The following MSRA variants were observed in gnomAD, a reference collection of about 807,000 sequenced individuals.
MSRA encodes methionine sulfoxide reductase A.
In MSRA, 54 loss-of-function variants were observed where a neutral mutation model predicts 31.3. The observed-to-expected ratio is 1.73, with a 90% confidence interval of 1.39 to 2.17. The LOEUF (loss-of-function observed/expected upper bound fraction) is 2.17. Ranked by LOEUF, MSRA falls within the 30% of genes most tolerant of loss-of-function variation. The pLI is 0.00. For missense variants in MSRA, 507 were observed against 300.9 expected (o/e 1.69, Z -5.07); for synonymous variants, 169 against 116.5 (o/e 1.45, Z -2.90).
intron 2 of MSRA, among the ~76,000 whole-genome samples, chr8:10,211,021 T>C (rs555577487): frequency 6.6e-6 from 1 of 151,948 alleles, no homozygotes; most frequent in African/African-American, 2.4e-5. Context: ...CAGGCATGAG[T>C]CATCGCACCC....
At position 10,165,202 on chromosome 8, in the gene MSRA, G is replaced by A. The variant is rs112975224; in HGVS notation, c.143-42631G>A. ...AGCTGGCCGCCTTTTTGCTTTATAC[G>A]TTTTGAGCTGCTGGCTTCTAATTAG... On this transcript the variant is annotated intron_variant, in intron 1 of 5. Transcript: ENST00000317173. Among the ~76,000 whole-genome samples the A allele has an allele frequency of 7.6e-3, 1,150 of 152,232 alleles. 12 individuals are homozygous for A. Among genetic ancestry groups the A allele is most frequent in the African/African-American group, 0.026 (1,076 of 41,534 alleles).
At chr8:10,406,693 G>C (rs1384174746) in intron 5 of MSRA, among the ~76,000 whole-genome samples, 1 of 152,190 alleles carries the variant, frequency 6.6e-6, no homozygotes, top group Non-Finnish European at 1.5e-5. Context: ...GGTTTTCACA[G>C]ATAAGCCATA....
At chr8:10,350,955 A>C (rs1395534841) in intron 5 of MSRA, among the ~76,000 whole-genome samples, 1 of 151,704 alleles carries the variant, frequency 6.6e-6, no homozygotes, top group African/African-American at 2.4e-5. Flanking sequence ...TCTTAAGGTG[A>C]CAAAGAGTGT....
chr8:10,242,601 A>T lies in MSRA; in HGVS notation c.212-2503A>T, dbSNP rs150641308. The stretch of plus-strand genomic sequence containing the variant: ...TTTGTTTTATAACAAAAGGCTAAAA[A>T]TAAGTATTTAAAGAAAATAGTGCAT... On this transcript the variant is annotated intron_variant, in intron 2 of 5. Transcript: ENST00000317173. Among the ~76,000 whole-genome samples the T allele has an allele frequency of 3.3e-5, 5 of 152,334 alleles. No homozygotes were observed. In the East Asian group the frequency reaches 9.7e-4, roughly 29 times the overall value.
chr8:10,423,751 A>C (rs555925638), intron 5 of MSRA, among the ~76,000 whole-genome samples: 2 of 152,172 alleles, frequency 1.3e-5, no homozygotes, highest in African/African-American at 4.8e-5. Flanking sequence ...TGTGACACGG[A>C]AAGTGGCTGC....
chr8:10,176,783 G>C (rs1024697317), intron 1 of MSRA, among the ~76,000 whole-genome samples: 1 of 152,188 alleles, frequency 6.6e-6, no homozygotes, highest in African/African-American at 2.4e-5. Flanking sequence ...GCAGAACCTA[G>C]TCCCCACCCA....
intron 2 of MSRA, among the ~76,000 whole-genome samples, chr8:10,239,569 C>T (rs946502450): frequency 1.1e-4 from 16 of 152,212 alleles, no homozygotes; most frequent in Non-Finnish European, 2.2e-4. Context: ...GCTTATAGGA[C>T]GATTGTACCT....
chr8:10,426,691 G>A (rs1019096429), intron 5 of MSRA, among the ~76,000 whole-genome samples: 4 of 152,212 alleles, frequency 2.6e-5, no homozygotes, highest in African/African-American at 9.6e-5. Context: ...AGGGACCAAG[G>A]CACAGTATCT....
chr8:10,236,513 G>C (rs1020758015), intron 2 of MSRA, among the ~76,000 whole-genome samples: 4 of 152,094 alleles, frequency 2.6e-5, no homozygotes, highest in East Asian at 1.9e-4. Flanking sequence ...ACAAATCATG[G>C]GGTACATAGA....
chr8:10,163,532 C>A (rs757893503), intron 1 of MSRA, among the ~76,000 whole-genome samples: 3 of 152,216 alleles, frequency 2.0e-5, no homozygotes, highest in Non-Finnish European at 4.4e-5. Flanking sequence ...GGGCATCACA[C>A]CTTGTGCCTT....
intron 3 of MSRA, among the ~76,000 whole-genome samples, chr8:10,269,135 G>A (rs927282671): frequency 3.9e-5 from 6 of 151,974 alleles, no homozygotes; most frequent in African/African-American, 1.4e-4. Flanking sequence ...ACCACAAAAT[G>A]CAATTTGCTG....
intron 1 of MSRA, among the ~76,000 whole-genome samples, chr8:10,118,753 C>G (rs1414618682): frequency 6.6e-6 from 1 of 152,202 alleles, no homozygotes; most frequent in East Asian, 1.9e-4. Flanking sequence ...ACACGTCCCT[C>G]AAAACCAGCT....
chr8:10,282,752 A>G (rs1368356762), intron 3 of MSRA, among the ~76,000 whole-genome samples: 2 of 152,190 alleles, frequency 1.3e-5, no homozygotes, highest in Admixed American at 6.5e-5. Flanking sequence ...AGTAATCTTG[A>G]AAATATACCT....
chr8:10,060,640 T>A (rs1255721759), intron 1 of MSRA, among the ~76,000 whole-genome samples: 2 of 151,224 alleles, frequency 1.3e-5, no homozygotes, highest in Admixed American at 1.3e-4. Context: ...TACTTGAAGT[T>A]TTTTTTTTTT....
intron 3 of MSRA, among the ~76,000 whole-genome samples, chr8:10,268,095 C>T (rs1204696494): frequency 6.6e-6 from 1 of 152,192 alleles, no homozygotes; most frequent in Non-Finnish European, 1.5e-5. Flanking sequence ...AGTGCCATTT[C>T]ATAAGCATTT....
chr8:10,343,336 A>G (rs560372345), intron 5 of MSRA, among the ~76,000 whole-genome samples: 14 of 152,314 alleles, frequency 9.2e-5, no homozygotes, highest in African/African-American at 2.9e-4. Context: ...AGACCCAACA[A>G]TCCATGCTGT....
At chr8:10,134,043 C>T (rs1563134733) in intron 1 of MSRA, among the ~76,000 whole-genome samples, 1 of 152,130 alleles carries the variant, frequency 6.6e-6, no homozygotes, top group Non-Finnish European at 1.5e-5. Context: ...CTTGGCCAGC[C>T]TGGTCTCCCA....
chr8:10,256,609 T>A (rs1306790431), intron 3 of MSRA, among the ~76,000 whole-genome samples: 7 of 152,136 alleles, frequency 4.6e-5, no homozygotes, highest in African/African-American at 7.2e-5. Flanking sequence ...TTTTCTTTTC[T>A]GAGCCACATA....
intron 1 of MSRA, among the ~76,000 whole-genome samples, chr8:10,107,354 C>G (rs1373713619): frequency 6.6e-6 from 1 of 151,796 alleles, no homozygotes; most frequent in African/African-American, 2.4e-5. Flanking sequence ...TTTAGTTTGC[C>G]TCCTTGTAAC....
Sources: allele counts gnomAD v4.1 joint callset (sites outside exome capture counted in the v4.1 genomes callset), GRCh38; gene constraint gnomAD v4.1.1; transcripts MANE v1.5; gene names NCBI Gene and HGNC (gene_info 2026-07-23, HGNC 2026-07-21).